The following MRPS27 variants were observed in gnomAD, a reference collection of about 807,000 sequenced individuals.
MRPS27 encodes the protein mitochondrial ribosomal protein S27, also known as small ribosomal subunit protein mS27.
In MRPS27, 43 loss-of-function variants were observed where a neutral mutation model predicts 48.9. The ratio of observed to expected loss-of-function variants is 0.88; its 90% CI spans 0.69 to 1.13. The LOEUF (loss-of-function observed/expected upper bound fraction) is 1.13, where lower values mean the gene tolerates loss of function less well. MRPS27 is among the 50% of genes most tolerant of loss of function. The pLI is 0.00. For missense variants in MRPS27, 467 were observed against 476.3 expected (o/e 0.98, Z 0.18); for synonymous variants, 188 against 171.9 (o/e 1.09, Z -0.73).
intron 1 of MRPS27, 44 bp downstream of exon 1, chr5:72,320,105 A>C: frequency 1.3e-6 from 2 of 1,592,596 alleles, no homozygotes; most frequent in Non-Finnish European, 1.7e-6. Flanking sequence ...CCCTTCACCC[A>C]AAAAACAGAA....
intron 4 of MRPS27, among the ~76,000 whole-genome samples, chr5:72,268,182 A>C (rs932481606): frequency 2.6e-5 from 4 of 152,074 alleles, no homozygotes; most frequent in Non-Finnish European, 5.9e-5. Context: ...AAAAATTATA[A>C]GTCAAATCCT....
chr5:72,222,066 G>T (rs904126655), intron 10 of MRPS27, among the ~76,000 whole-genome samples: 2 of 152,220 alleles, frequency 1.3e-5, no homozygotes, highest in Non-Finnish European at 2.9e-5. Context: ...CAGGGTTGGG[G>T]GTGGGCAGGG....
intron 5 of MRPS27, among the ~76,000 whole-genome samples, chr5:72,236,143 G>A (rs944400534): frequency 9.2e-5 from 14 of 152,060 alleles, no homozygotes; most frequent in Middle Eastern, 3.2e-3. Flanking sequence ...CTGTGAACCC[G>A]AAACTGACAG....
chr5:72,297,086 G>T (rs1750000875), intron 3 of MRPS27, among the ~76,000 whole-genome samples: 1 of 152,182 alleles, frequency 6.6e-6, no homozygotes, highest in African/African-American at 2.4e-5. Flanking sequence ...TACATAGACT[G>T]TTTATTGCAT....
At chr5:72,287,652 CA>C (rs958649304) in intron 4 of MRPS27, among the ~76,000 whole-genome samples, 6 of 151,962 alleles carry the variant, frequency 3.9e-5, no homozygotes, top group African/African-American at 1.2e-4. Context: ...AACAAACAAA[CA>C]AACAAAAAAA....
chr5:72,301,778 T>C (rs1317799603), intron 2 of MRPS27, among the ~76,000 whole-genome samples: 1 of 152,250 alleles, frequency 6.6e-6, no homozygotes, highest in Non-Finnish European at 1.5e-5. Context: ...AAATATATCA[T>C]GTGGCCAATC....
intron 4 of MRPS27, among the ~76,000 whole-genome samples, chr5:72,278,820 T>C (rs890552645): frequency 2.0e-5 from 3 of 152,214 alleles, no homozygotes; most frequent in Non-Finnish European, 4.4e-5. Context: ...ATAGATAGCT[T>C]TGGCTTATTC....
intron 7 of MRPS27, among the ~76,000 whole-genome samples, chr5:72,231,892 C>T (rs1042158451): frequency 2.6e-5 from 4 of 152,084 alleles, no homozygotes; most frequent in Non-Finnish European, 4.4e-5. Context: ...TGCATTAATA[C>T]ATTTAAAACA....
chr5:72,256,760 T>C (rs1748819956), intron 4 of MRPS27, among the ~76,000 whole-genome samples: 2 of 152,240 alleles, frequency 1.3e-5, no homozygotes. Flanking sequence ...AATAGGTCTG[T>C]TATTTTCTCA....
chr5:72,287,159 A>T (rs1749693566), intron 4 of MRPS27, among the ~76,000 whole-genome samples: 1 of 152,120 alleles, frequency 6.6e-6, no homozygotes, highest in Admixed American at 6.5e-5. Flanking sequence ...AATCTAACTA[A>T]TGCCTGATGA....
intron 2 of MRPS27, among the ~76,000 whole-genome samples, chr5:72,298,215 G>A (rs898882347): frequency 6.6e-6 from 1 of 152,082 alleles, no homozygotes; most frequent in Non-Finnish European, 1.5e-5. Flanking sequence ...TAAAAAATGA[G>A]CAAAAGACAT....
chr5:72,238,717 T>C (rs1169991788), intron 4 of MRPS27, among the ~76,000 whole-genome samples: 5 of 152,162 alleles, frequency 3.3e-5, no homozygotes, highest in South Asian at 2.1e-4. Flanking sequence ...CACAGTTCCA[T>C]TGTAGCTCAT....
intron 1 of MRPS27, among the ~76,000 whole-genome samples, chr5:72,317,532 G>A (rs770567481): frequency 4.0e-5 from 6 of 151,626 alleles, no homozygotes; most frequent in African/African-American, 7.3e-5. Context: ...TCAGGCATGC[G>A]CCACCACGCC....
At chr5:72,240,248 G>T (rs1327874529) in intron 4 of MRPS27, among the ~76,000 whole-genome samples, 4 of 152,102 alleles carry the variant, frequency 2.6e-5, no homozygotes, top group African/African-American at 9.7e-5. Context: ...CCTTTTCAGG[G>T]CATTTAGAGT....
chr5:72,227,247 C>T (rs1193068960), intron 8 of MRPS27: 1 of 152,186 alleles, frequency 6.6e-6, no homozygotes, highest in Non-Finnish European at 1.5e-5. Context: ...CTGACCAATT[C>T]AGGCTGTATG....
chr5:72,241,605 A>C, intron 4 of MRPS27: 1 of 1,510,182 alleles, frequency 6.6e-7, no homozygotes, highest in South Asian at 1.2e-5. Context: ...AACTTCCAGT[A>C]GTAATATGTC....
At chr5:72,269,638 C>A (rs1749184836) in intron 4 of MRPS27, among the ~76,000 whole-genome samples, 1 of 152,176 alleles carries the variant, frequency 6.6e-6, no homozygotes, top group African/African-American at 2.4e-5. Context: ...ATTATATCAT[C>A]AGGCAAAGGA....
chr5:72,254,535 A>C (rs1308905759), intron 4 of MRPS27, among the ~76,000 whole-genome samples: 2 of 152,248 alleles, frequency 1.3e-5, no homozygotes, highest in African/African-American at 2.4e-5. Flanking sequence ...ATATATGTGG[A>C]GCCTTTGCTT....
rs183354884 is a variant in MRPS27 at position 72,298,164 on chromosome 5, G to T, written c.152-462C>A. ...AGGTCTAACACCCAAAATCTGTACG[G>T]AACTTAAACAATTCAACAAGCAAAA... On this transcript the variant is annotated intron_variant, in intron 2 of 10. Transcript: ENST00000261413. Among the ~76,000 whole-genome samples the T allele has an allele frequency of 2.0e-5, 3 of 152,168 alleles. No homozygotes were observed. The East Asian group carries it at 5.8e-4, about 29-fold the overall frequency.
Sources: gnomAD v4.1 joint callset for allele counts (sites outside exome capture counted in the v4.1 genomes callset) on GRCh38, gnomAD v4.1.1 for gene constraint, MANE v1.5 for transcripts, NCBI Gene and HGNC (gene_info 2026-07-23, HGNC 2026-07-21) for gene names.